Variants in RNPC3 observed in about 807,000 individuals in gnomAD.
The protein encoded by RNPC3 is RNA-binding region-containing protein 3.
In RNPC3, 48 loss-of-function variants were observed where a neutral mutation model predicts 67.5. The ratio of observed to expected loss-of-function variants is 0.71; its 90% CI spans 0.56 to 0.90. RNPC3 has a LOEUF of 0.90. RNPC3 is among the 40% of genes least tolerant of loss of function. The pLI is 0.00. For synonymous variants in RNPC3, 239 were observed against 210.3 expected (o/e 1.14, Z -1.18); for missense variants, 637 against 626.1 (o/e 1.02, Z -0.19).
intron 12 of RNPC3, among the ~76,000 whole-genome samples, chr1:103,547,631 A>G (rs1039396778): frequency 1.3e-5 from 2 of 152,236 alleles, no homozygotes; most frequent in African/African-American, 4.8e-5. Flanking sequence ...TGAAGCAATG[A>G]GTCAAAACTT....
chr1:103,551,040 T>C lies in RNPC3; in HGVS notation c.1461T>C (p.Asn487=). The C allele has an allele frequency of 1.2e-6, 2 of 1,612,632 alleles. No homozygotes were observed. Among genetic ancestry groups the C allele is most frequent in the East Asian group, 2.2e-5 (1 of 44,776 alleles). ...CAGCAAAAGCCTTAAAGGAAGCTAA[T>C]GGATATGTGCTTTTTGGAAAACCCA... is the stretch of plus-strand genomic sequence containing the variant. ...KAAAKALKEA[N]GYVLFGKPMV... The change falls in exon 13 of 15, where the codon AAT becomes AAC. Residue 487 remains asparagine, a synonymous_variant. Transcript: ENST00000423855.
chr1:103,547,184 G>A, intron 12 of RNPC3, 149 bp downstream of exon 12: 1 of 502,854 alleles, frequency 2.0e-6, no homozygotes, highest in Non-Finnish European at 3.4e-6. Flanking sequence ...TCTTTTAGAT[G>A]TCTAGAATAG....
At chr1:103,540,127 A>G (rs1202242603) in intron 7 of RNPC3, among the ~76,000 whole-genome samples, 1 of 152,206 alleles carries the variant, frequency 6.6e-6, no homozygotes, top group South Asian at 2.1e-4. Flanking sequence ...TTGGCCTCCC[A>G]AAGTGCTGGG....
At chr1:103,526,354 G>C in intron 1 of RNPC3, 92 bp downstream of exon 1, 2 of 1,058,282 alleles carry the variant, frequency 1.9e-6, no homozygotes, top group Non-Finnish European at 2.7e-6. Context: ...GGAAACGAGT[G>C]GGGAAGATGG....
At chr1:103,530,408 G>A (rs1446312275) in intron 2 of RNPC3, among the ~76,000 whole-genome samples, 4 of 152,104 alleles carry the variant, frequency 2.6e-5, no homozygotes, top group Non-Finnish European at 5.9e-5. Context: ...TGAAATTTCT[G>A]GGAGAAGTAC....
intron 12 of RNPC3, 57 bp from the exon 13 acceptor site, chr1:103,550,884 A>G: frequency 6.4e-7 from 1 of 1,561,562 alleles, no homozygotes; most frequent in South Asian, 1.1e-5. Flanking sequence ...TATTCAACAC[A>G]TTTTCATTCA....
chr1:103,544,794 G>T (rs1054897994), intron 9 of RNPC3, 147 bp from the exon 10 acceptor site: 14 of 449,452 alleles, frequency 3.1e-5, no homozygotes, highest in African/African-American at 2.1e-4. Context: ...GAAAATGTTT[G>T]TGTATGCCTC....
intron 4 of RNPC3, 131 bp downstream of exon 4, chr1:103,534,988 A>G (rs552180406): frequency 5.9e-5 from 33 of 555,874 alleles, no homozygotes; most frequent in African/African-American, 3.8e-4. Context: ...ATATTGTGTT[A>G]TATACAGATA....
intron 5 of RNPC3, among the ~76,000 whole-genome samples, chr1:103,535,708 TAAAAG>T (rs1250048761): frequency 3.3e-5 from 5 of 152,062 alleles, no homozygotes; most frequent in Admixed American, 2.0e-4. Context: ...TAGAGATTCT[TAAAAG>T]AAAAGTTATA....
chr1:103,544,716 A>T (rs1423953134), intron 9 of RNPC3, among the ~76,000 whole-genome samples: 4 of 149,906 alleles, frequency 2.7e-5, no homozygotes, highest in Non-Finnish European at 4.5e-5. Context: ...CTTTTTATAA[A>T]TTTTTCTTAT....
chr1:103,538,122 G>A (rs1294046333), intron 7 of RNPC3, among the ~76,000 whole-genome samples: 1 of 152,200 alleles, frequency 6.6e-6, no homozygotes, highest in Non-Finnish European at 1.5e-5. Context: ...TGGGATTACA[G>A]GCATTAGCCA....
At chr1:103,529,129 A>G (rs1650781439) in intron 2 of RNPC3, among the ~76,000 whole-genome samples, 1 of 152,198 alleles carries the variant, frequency 6.6e-6, no homozygotes, top group Non-Finnish European at 1.5e-5. Context: ...AATAGTATAC[A>G]TGTTAGCATA....
At chr1:103,539,284 A>G (rs1353667821) in intron 7 of RNPC3, among the ~76,000 whole-genome samples, 1 of 152,228 alleles carries the variant, frequency 6.6e-6, no homozygotes, top group African/African-American at 2.4e-5. Context: ...AATAATCGCA[A>G]TTTGACTGAG....
intron 2 of RNPC3, among the ~76,000 whole-genome samples, chr1:103,531,879 G>A (rs2101043138): frequency 6.6e-6 from 1 of 152,100 alleles, no homozygotes; most frequent in East Asian, 1.9e-4. Context: ...TTGCTTTTGG[G>A]TTCTTGGTCA....
At chr1:103,549,936 G>T (rs78210641) in intron 12 of RNPC3, among the ~76,000 whole-genome samples, 4 of 152,090 alleles carry the variant, frequency 2.6e-5, no homozygotes, top group African/African-American at 7.2e-5. Context: ...GCCGAAGCGG[G>T]GGGGATCACT....
intron 6 of RNPC3, among the ~76,000 whole-genome samples, chr1:103,536,920 T>G (rs1471843510): frequency 1.3e-5 from 2 of 152,202 alleles, no homozygotes; most frequent in Non-Finnish European, 2.9e-5. Flanking sequence ...TGTCAGATCC[T>G]TTCCAAAAGT....
intron 9 of RNPC3, 46 bp downstream of exon 9, chr1:103,543,493 G>T: frequency 7.8e-7 from 1 of 1,283,406 alleles, no homozygotes. Flanking sequence ...AACTTATTGT[G>T]TTAGAATTAA....
At chr1:103,549,059 G>A (rs151171462) in intron 12 of RNPC3, among the ~76,000 whole-genome samples, 2,398 of 152,204 alleles carry the variant, frequency 0.016, 24 homozygotes, top group Middle Eastern at 0.044. Flanking sequence ...CTTTCACAGC[G>A]TTCCTCCCAT....
chr1:103,550,596 A>T (rs1203713678), intron 12 of RNPC3, among the ~76,000 whole-genome samples: 2 of 148,178 alleles, frequency 1.3e-5, no homozygotes, highest in African/African-American at 2.5e-5. Context: ...AGCGGAGATC[A>T]TGCCACTGCA....
Sources: allele counts gnomAD v4.1 joint callset (sites outside exome capture counted in the v4.1 genomes callset), GRCh38; gene constraint gnomAD v4.1.1; transcripts MANE v1.5; gene names NCBI Gene and HGNC (gene_info 2026-07-23, HGNC 2026-07-21).